Variants in TTC28 observed in about 807,000 individuals in gnomAD.
TTC28 encodes tetratricopeptide repeat domain 28.
Under a neutral mutation model 198.0 loss-of-function variants are expected in TTC28, and 61 were observed. The ratio of observed to expected loss-of-function variants is 0.31; its 90% CI spans 0.25 to 0.38. TTC28 has a LOEUF of 0.38. Ranked by LOEUF, TTC28 falls within the 10% of genes least tolerant of loss-of-function variation. The probability of loss-of-function intolerance (pLI) is 1.00; values close to 1 mark genes in which losing one functional copy is unlikely to be tolerated. For synonymous variants in TTC28, 1,171 were observed against 1,297.8 expected (o/e 0.90, Z 2.10); for missense variants, 2,678 against 3,164.0 (o/e 0.85, Z 3.69).
chr22:28,392,163 G>T (rs1010019890), intron 2 of TTC28, among the ~76,000 whole-genome samples: 3 of 152,230 alleles, frequency 2.0e-5, no homozygotes, highest in Non-Finnish European at 4.4e-5. Flanking sequence ...CGGGGGTCAG[G>T]GGTCAGGGAC....
At chr22:28,260,341 G>A (rs1329656108) in intron 5 of TTC28, among the ~76,000 whole-genome samples, 1 of 152,100 alleles carries the variant, frequency 6.6e-6, no homozygotes, top group Non-Finnish European at 1.5e-5. Flanking sequence ...TAATGGAATA[G>A]GAGTCTATTT....
At chr22:27,990,035 C>A (rs917585845) in intron 20 of TTC28, 28 bp from the exon 21 acceptor site, 8 of 1,539,518 alleles carry the variant, frequency 5.2e-6, no homozygotes, top group Middle Eastern at 1.7e-4. Context: ...GCGTGAGCAC[C>A]CTGTGTCTCC....
chr22:28,418,866 CAGA>C (rs887443285), intron 2 of TTC28, among the ~76,000 whole-genome samples: 4 of 152,104 alleles, frequency 2.6e-5, no homozygotes, highest in African/African-American at 4.8e-5. Context: ...GTGGGAAAAT[CAGA>C]AGAAGAAAGG....
intron 6 of TTC28, among the ~76,000 whole-genome samples, chr22:28,119,768 C>T (rs1422288675): frequency 2.0e-5 from 3 of 152,210 alleles, no homozygotes; most frequent in African/African-American, 7.2e-5. Flanking sequence ...TAATTTTACA[C>T]TCTGGCACTA....
intron 2 of TTC28, among the ~76,000 whole-genome samples, chr22:28,460,640 T>C (rs139772546): frequency 2.1e-5 from 3 of 143,574 alleles, no homozygotes; most frequent in East Asian, 2.3e-4. Flanking sequence ...GATAGATAGA[T>C]AGATAGATAG....
chr22:28,289,594 G>T lies in TTC28; in HGVS notation c.933+6604C>A, dbSNP rs550573651. ...GTGTCTGTAGTCCCAGCCACTCAGG[G>T]GGCTGAGGCAGGAGGACTGCCTGAG... On this transcript the variant is annotated intron_variant, in intron 5 of 22. Transcript: ENST00000397906. 3.0e-4 allele frequency among the ~76,000 whole-genome samples: 45 copies of T among 152,240 alleles called. No individual in the cohort carries two copies. In the East Asian group the frequency reaches 8.3e-3, roughly 28 times the overall value.
chr22:28,571,974 A>G (rs1255016475), intron 2 of TTC28, among the ~76,000 whole-genome samples: 1 of 145,134 alleles, frequency 6.9e-6, no homozygotes, highest in African/African-American at 2.6e-5. Context: ...AAAAACAAAC[A>G]AAAAAAAAAC....
At chr22:28,304,839 G>A (rs892795252) in intron 3 of TTC28, among the ~76,000 whole-genome samples, 2 of 152,048 alleles carry the variant, frequency 1.3e-5, no homozygotes, top group African/African-American at 4.8e-5. Flanking sequence ...AGGGGTGTAG[G>A]GAGAGAACAA....
intron 5 of TTC28, among the ~76,000 whole-genome samples, chr22:28,285,124 ATGTGTG>A (rs1266739870): frequency 6.6e-6 from 1 of 152,096 alleles, no homozygotes; most frequent in East Asian, 1.9e-4. Context: ...AACGGAGTGT[ATGTGTG>A]TGTGTGTTTG....
chr22:28,185,940 C>T (rs1264433227), intron 5 of TTC28, among the ~76,000 whole-genome samples: 1 of 152,166 alleles, frequency 6.6e-6, no homozygotes, highest in Admixed American at 6.6e-5. Flanking sequence ...TGCACTCCTT[C>T]CTCCAGAAAT....
intron 5 of TTC28, among the ~76,000 whole-genome samples, chr22:28,191,142 G>A (rs958908624): frequency 6.6e-6 from 1 of 152,074 alleles, no homozygotes; most frequent in Non-Finnish European, 1.5e-5. Flanking sequence ...CTGCTTCTAG[G>A]CCATGGTTAA....
intron 5 of TTC28, among the ~76,000 whole-genome samples, chr22:28,274,976 T>TAA (rs34582010): frequency 0.23 from 17,979 of 77,644 alleles, 3,127 homozygotes; most frequent in Non-Finnish European, 0.34. Context: ...GAGACTGTCT[T>TAA]AAAAAAAAAA....
intron 12 of TTC28, among the ~76,000 whole-genome samples, chr22:28,038,400 C>T (rs1601546536): frequency 1.3e-5 from 2 of 152,242 alleles, no homozygotes; most frequent in African/African-American, 2.4e-5. Flanking sequence ...ACAAACCTGA[C>T]AAAGACAAGC....
intron 12 of TTC28, among the ~76,000 whole-genome samples, chr22:28,060,477 T>C (rs1208293774): frequency 6.6e-6 from 1 of 152,256 alleles, no homozygotes; most frequent in Non-Finnish European, 1.5e-5. Context: ...GTGCCACATT[T>C]TCTTAATCCA....
At chr22:28,018,106 T>C (rs1283688523) in intron 13 of TTC28, among the ~76,000 whole-genome samples, 1 of 152,016 alleles carries the variant, frequency 6.6e-6, no homozygotes, top group Non-Finnish European at 1.5e-5. Flanking sequence ...ACAGACCAAC[T>C]ATTTCTGGAG....
chr22:28,152,584 C>T (rs1393804573), intron 6 of TTC28, among the ~76,000 whole-genome samples: 1 of 152,182 alleles, frequency 6.6e-6, no homozygotes, highest in Non-Finnish European at 1.5e-5. Context: ...CCTCCTAGGG[C>T]TACTGCGAGA....
intron 12 of TTC28, among the ~76,000 whole-genome samples, chr22:28,033,119 G>A (rs1350185026): frequency 1.3e-5 from 2 of 152,172 alleles, no homozygotes; most frequent in Non-Finnish European, 2.9e-5. Context: ...AATTGCCTGG[G>A]ACCGGTATCA....
chr22:28,465,081 A>T (rs1204101778), intron 2 of TTC28, among the ~76,000 whole-genome samples: 1 of 152,204 alleles, frequency 6.6e-6, no homozygotes, highest in Non-Finnish European at 1.5e-5. Flanking sequence ...ACTATAAAAC[A>T]TCATAGATTT....
intron 5 of TTC28, among the ~76,000 whole-genome samples, chr22:28,167,498 G>A (rs1037335469): frequency 2.0e-5 from 3 of 152,188 alleles, no homozygotes; most frequent in African/African-American, 4.8e-5. Context: ...TCATCTCTGC[G>A]ATGCAAGGCT....
Sources: gnomAD v4.1 joint callset for allele counts (sites outside exome capture counted in the v4.1 genomes callset) on GRCh38, gnomAD v4.1.1 for gene constraint, MANE v1.5 for transcripts, NCBI Gene and HGNC (gene_info 2026-07-23, HGNC 2026-07-21) for gene names.